The following MAD1L1 variants were observed in gnomAD, a reference collection of about 807,000 sequenced individuals.
MAD1L1 encodes mitotic spindle assembly checkpoint protein MAD1.
Under a neutral mutation model 96.9 loss-of-function variants are expected in MAD1L1, and 95 were observed. That is an observed-to-expected ratio of 0.98 (90% confidence interval 0.83 to 1.16). The LOEUF is 1.16. MAD1L1 is among the 50% of genes most tolerant of loss of function. MAD1L1 has a pLI of 0.00. For missense variants in MAD1L1, 1,007 were observed against 954.4 expected (o/e 1.06, Z -0.73); for synonymous variants, 473 against 396.6 (o/e 1.19, Z -2.29).
chr7:2,198,144 T>C (rs534054528), intron 10 of MAD1L1, among the ~76,000 whole-genome samples: 4 of 151,530 alleles, frequency 2.6e-5, no homozygotes, highest in Non-Finnish European at 4.4e-5. Context: ...AAAATAGAGA[T>C]AGGGTCTCAC....
intron 7 of MAD1L1, among the ~76,000 whole-genome samples, chr7:2,217,265 C>T (rs1793335640): frequency 6.6e-6 from 1 of 152,212 alleles, no homozygotes; most frequent in South Asian, 2.1e-4. Flanking sequence ...GAGTATGAAA[C>T]CACGACCAAA....
chr7:2,070,406 G>A (rs1310103528), intron 11 of MAD1L1, among the ~76,000 whole-genome samples: 1 of 152,168 alleles, frequency 6.6e-6, no homozygotes, highest in African/African-American at 2.4e-5. Flanking sequence ...GGGCACACAG[G>A]TGCTCCCAGG....
In MAD1L1 at chr7:1,874,830, G is replaced by A. The variant is rs1484875275; in HGVS notation, c.1998+23370C>T. 3.9e-5 allele frequency among the ~76,000 whole-genome samples: 6 copies of A among 152,200 alleles called. No homozygotes were observed. The East Asian group carries it at 5.8e-4, about 15-fold the overall frequency. On this transcript the variant is annotated intron_variant, in intron 18 of 18. Transcript: ENST00000265854. ...TGGTAGAGAGGAGGGGCAGGTATAG[G>A]GAGGAGGGGAAGGCAGGGAGAGAAC...
chr7:1,941,855 G>A (rs1163600476), intron 16 of MAD1L1, among the ~76,000 whole-genome samples: 7 of 141,656 alleles, frequency 4.9e-5, no homozygotes, highest in East Asian at 2.1e-4. Context: ...CCAGGAGGGC[G>A]AGGGAAGTGG....
intron 10 of MAD1L1, among the ~76,000 whole-genome samples, chr7:2,210,364 C>T (rs991188233): frequency 1.3e-5 from 2 of 152,160 alleles, no homozygotes; most frequent in Non-Finnish European, 2.9e-5. Flanking sequence ...AGCCACTGTG[C>T]GCAGCCAGAA....
intron 11 of MAD1L1, among the ~76,000 whole-genome samples, chr7:2,132,558 CTT>C (rs1788570959): frequency 6.6e-6 from 1 of 152,200 alleles, no homozygotes; most frequent in African/African-American, 2.4e-5. Flanking sequence ...GCGCATCCCT[CTT>C]GTCCATCCCT....
intron 16 of MAD1L1, among the ~76,000 whole-genome samples, chr7:1,941,018 G>GGCCTCACCCTCCTCTTCCTCCCCCC (rs1778970931): frequency 8.1e-5 from 2 of 24,752 alleles, no homozygotes; most frequent in Admixed American, 2.6e-4. Flanking sequence ...TTCCTCCCCA[G>GGCCTCACCCTCCTCTTCCTCCCCCC]GCTTCAACAC....
intron 17 of MAD1L1, among the ~76,000 whole-genome samples, chr7:1,923,999 C>G (rs538630551): frequency 6.6e-6 from 1 of 152,320 alleles, no homozygotes; most frequent in Admixed American, 6.5e-5. Flanking sequence ...TAAGAAAGAC[C>G]TAGAATCTCG....
At chr7:2,003,476 A>G (rs1452443948) in intron 13 of MAD1L1, among the ~76,000 whole-genome samples, 1 of 152,070 alleles carries the variant, frequency 6.6e-6, no homozygotes, top group Non-Finnish European at 1.5e-5. Context: ...CTACAGGCCC[A>G]GCCAGAGCCA....
chr7:2,075,062 G>A (rs961073777), intron 11 of MAD1L1, among the ~76,000 whole-genome samples: 5 of 152,328 alleles, frequency 3.3e-5, no homozygotes, highest in Middle Eastern at 3.4e-3. Context: ...CAGAGGGGCA[G>A]GAAGGCAAGG....
At chr7:2,048,291 G>C (rs1784024934) in intron 12 of MAD1L1, among the ~76,000 whole-genome samples, 1 of 152,188 alleles carries the variant, frequency 6.6e-6, no homozygotes, top group Non-Finnish European at 1.5e-5. Flanking sequence ...CAGCTACCTG[G>C]GCTGCGAATC....
chr7:2,096,968 G>C (rs2128548573), intron 11 of MAD1L1, among the ~76,000 whole-genome samples: 1 of 152,326 alleles, frequency 6.6e-6, no homozygotes, highest in African/African-American at 2.4e-5. Flanking sequence ...TGCCAGGAAT[G>C]ACAGCGCACC....
At chr7:2,077,128 A>G (rs936299033) in intron 11 of MAD1L1, among the ~76,000 whole-genome samples, 2 of 152,036 alleles carry the variant, frequency 1.3e-5, no homozygotes, top group African/African-American at 4.8e-5. Flanking sequence ...TGGTTACGAC[A>G]TGGTGAGCTC....
intron 16 of MAD1L1, among the ~76,000 whole-genome samples, chr7:1,937,252 G>A (rs1444042768): frequency 2.6e-5 from 4 of 152,178 alleles, no homozygotes; most frequent in African/African-American, 9.7e-5. Context: ...TCTCCTCTGA[G>A]GTTCCTGGCT....
At chr7:1,839,835 G>A (rs1174454558) in intron 18 of MAD1L1, among the ~76,000 whole-genome samples, 1 of 151,798 alleles carries the variant, frequency 6.6e-6, no homozygotes, top group Non-Finnish European at 1.5e-5. Flanking sequence ...TGGGGCAGCT[G>A]GGCACCAGGT....
At chr7:2,200,311 A>C (rs558509407) in intron 10 of MAD1L1, 1 of 152,530 alleles carries the variant, frequency 6.6e-6, no homozygotes, top group African/African-American at 2.4e-5. Context: ...ACTCCCCACC[A>C]GACGAAAGTC....
chr7:2,052,078 G>A (rs1363893371), intron 12 of MAD1L1, among the ~76,000 whole-genome samples: 3 of 152,130 alleles, frequency 2.0e-5, no homozygotes, highest in East Asian at 1.9e-4. Context: ...TGCATTCCAC[G>A]AAGGAGCCCC....
chr7:2,130,023 C>G (rs949163806), intron 11 of MAD1L1, among the ~76,000 whole-genome samples: 2 of 152,242 alleles, frequency 1.3e-5, no homozygotes, highest in Non-Finnish European at 2.9e-5. Flanking sequence ...GTTAAAAGCA[C>G]CTGGGCAGGC....
chr7:2,080,874 G>T (rs1055860690), intron 11 of MAD1L1, among the ~76,000 whole-genome samples: 2 of 152,250 alleles, frequency 1.3e-5, no homozygotes, highest in East Asian at 1.9e-4. Flanking sequence ...AATGCTGGGG[G>T]AGAGTGGCAT....
Sources: allele counts gnomAD v4.1 joint callset (sites outside exome capture counted in the v4.1 genomes callset), GRCh38; gene constraint gnomAD v4.1.1; transcripts MANE v1.5; gene names NCBI Gene and HGNC (gene_info 2026-07-23, HGNC 2026-07-21).